Variants in TRIP11 observed in about 807,000 individuals in gnomAD.
TRIP11 encodes thyroid receptor-interacting protein 11.
Under a neutral mutation model 223.1 loss-of-function variants are expected in TRIP11, and 148 were observed. The ratio of observed to expected loss-of-function variants is 0.66; its 90% CI spans 0.58 to 0.76. TRIP11 has a LOEUF of 0.76. Among genes scored for constraint, TRIP11 ranks in the 30% least tolerant of loss-of-function variants. The pLI is 0.00. For synonymous variants in TRIP11, 762 were observed against 772.6 expected, an observed-to-expected ratio of 0.99 and a Z score of 0.23; for missense variants, 2,043 against 2,222.0, an observed-to-expected ratio of 0.92 and a Z score of 1.62.
chr14:92,020,975 C>T (rs556021623), intron 4 of TRIP11, among the ~76,000 whole-genome samples: 14 of 149,480 alleles, frequency 9.4e-5, no homozygotes, highest in African/African-American at 2.7e-4. Flanking sequence ...GAGGTTGAGA[C>T]GGGAGAATCA....
At position 91,999,381 on chromosome 14, in the gene TRIP11, A is replaced by C; in HGVS notation, c.4751T>G (p.Leu1584Trp). 9 of 1,613,934 alleles carry C rather than the reference A, an allele frequency of 5.6e-6. No individual in the cohort carries two copies. The highest frequency in any genetic ancestry group is 7.6e-6 in the Non-Finnish European group (9 of 1,179,914). Residue 1584 changes from leucine (L) to tryptophan (W), a missense_variant, in exon 13 of 21, where the codon TTG becomes TGG. Coordinates refer to ENST00000267622, the MANE Select transcript of TRIP11 (RefSeq NM_004239.4). ...EFRSNQELER[L>W]RNHLLESEDS... ...TTCTGATTCTAAAAGATGATTACGC[A>C]ATCTCTCTAGCTCTTGGTTTGAACG... is the stretch of plus-strand genomic sequence containing the variant.
intron 11 of TRIP11, among the ~76,000 whole-genome samples, chr14:92,002,787 G>C (rs2056843582): frequency 6.6e-6 from 1 of 151,722 alleles, no homozygotes; most frequent in South Asian, 2.1e-4. Flanking sequence ...CACTATGTTG[G>C]TCAGGCTGGT....
intron 16 of TRIP11, among the ~76,000 whole-genome samples, chr14:91,985,901 C>T (rs573459650): frequency 2.6e-5 from 4 of 152,136 alleles, no homozygotes; most frequent in Admixed American, 2.6e-4. Flanking sequence ...AAGAGTGCAG[C>T]TTTGAGAAAA....
At chr14:91,977,509 T>C (rs1468323798) in intron 16 of TRIP11, among the ~76,000 whole-genome samples, 1 of 140,022 alleles carries the variant, frequency 7.1e-6, no homozygotes, top group Non-Finnish European at 1.5e-5. Context: ...GAAACTATTC[T>C]TTTGGCAACC....
rs181964672 is a variant in TRIP11, at chr14:91,969,426, A to G, written c.*247T>C. 3.8e-5 allele frequency: 19 copies of G among 503,412 alleles called. No homozygotes were observed. In the Admixed American group the frequency reaches 5.9e-4, roughly 16 times the overall value. 31.2% of individuals were successfully genotyped at this position (503,412 alleles called of 1,614,324 possible). A position where few individuals can be genotyped will look rare whatever the true frequency, so the allele number is the denominator to read the frequency against. On this transcript the variant is annotated 3_prime_UTR_variant, in exon 21 of 21. Transcript: ENST00000267622. ...GTATTTTTGTAAATTAAGGTAAAAGATAAATTAAATGTTCCTAGCTTAAAT... is the reference window on the plus strand; with the variant it reads ...GTATTTTTGTAAATTAAGGTAAAAGGTAAATTAAATGTTCCTAGCTTAAAT...
At chr14:91,974,524 G>T in intron 19 of TRIP11, 103 bp downstream of exon 19, 2 of 953,504 alleles carry the variant, frequency 2.1e-6, no homozygotes, top group Non-Finnish European at 3.3e-6. Flanking sequence ...AAATAAAAGG[G>T]TTGTATAAAA....
rs190957115 is a variant in TRIP11, at chr14:91,993,787, A to G, written c.5160+22T>C. The G allele has an allele frequency of 1.9e-3, 2,958 of 1,563,948 alleles. 16 individuals carry two copies. Among genetic ancestry groups the G allele is most frequent in the South Asian group, 8.2e-3 (737 of 89,986 alleles). ...TGTTCCATGAATAATAAAACCTACA[A>G]GAGAAAACTATTTTGTCCTACCTGT... On this transcript the variant is annotated intron_variant, in intron 15 of 20. Coordinates refer to ENST00000267622, the MANE Select transcript of TRIP11 (RefSeq NM_004239.4).
intron 1 of TRIP11, among the ~76,000 whole-genome samples, chr14:92,039,147 T>C (rs1347390855): frequency 6.6e-6 from 1 of 152,116 alleles, no homozygotes; most frequent in Non-Finnish European, 1.5e-5. Context: ...ATTTCAACTG[T>C]TACAAAAATA....
At position 92,005,544 on chromosome 14, in the gene TRIP11, T is replaced by C; in HGVS notation, c.2432A>G (p.Asn811Ser). ...EEQKQLTQLI[N>S]KKEIFIEKLK... ...CTTTTCAATAAAAATTTCTTTCTTGTTTATAAGTTGTGTCAACTGCTTCTG... is the reference window on the plus strand; with the variant it reads ...CTTTTCAATAAAAATTTCTTTCTTGCTTATAAGTTGTGTCAACTGCTTCTG... Residue 811 changes from asparagine (N) to serine (S), a missense_variant, in exon 11 of 21, where the codon AAC (asparagine) becomes AGC (serine). Coordinates refer to ENST00000267622, the MANE Select transcript of TRIP11 (RefSeq NM_004239.4). 6.2e-7 allele frequency: 1 copy of C among 1,611,532 alleles called. No homozygotes were observed. Among genetic ancestry groups the C allele is most frequent in the Non-Finnish European group, 8.5e-7 (1 of 1,179,592 alleles).
intron 16 of TRIP11, among the ~76,000 whole-genome samples, chr14:91,981,760 T>C (rs2056548370): frequency 6.6e-6 from 1 of 152,222 alleles, no homozygotes. Flanking sequence ...CTAGAGTATA[T>C]GGTAAATGTT....
chr14:91,976,129 C>A lies in TRIP11; in HGVS notation c.5321G>T (p.Ser1774Ile), dbSNP rs752620838. The change falls in exon 17 of 21, where the codon AGC becomes ATC. Residue 1774 changes from serine (S) to isoleucine (I), a missense_variant. By Grantham distance (142) the Ser-to-Ile change is moderately radical. Transcript: ENST00000267622. ...ATACTTGTCTACTTTTCCTTCTGAGCTGTTTGCTAAGCTCATCAATTTCTT... is the reference window on the plus strand; with the variant it reads ...ATACTTGTCTACTTTTCCTTCTGAGATGTTTGCTAAGCTCATCAATTTCTT... ...VQKKLMSLAN[S>I]SEGKVDKVLM... The A allele has an allele frequency of 6.2e-7, 1 of 1,612,368 alleles. No homozygotes were observed. The highest frequency in any genetic ancestry group is 2.2e-5 in the East Asian group (1 of 44,768).
chr14:92,029,582 T>C (rs934974265), intron 2 of TRIP11, among the ~76,000 whole-genome samples: 1 of 150,376 alleles, frequency 6.6e-6, no homozygotes. Context: ...CCTGTAATCA[T>C]GGATTACAGG....
intron 16 of TRIP11, 31 bp from the exon 17 acceptor site, chr14:91,976,220 A>T: frequency 1.3e-6 from 2 of 1,574,796 alleles, no homozygotes; most frequent in Non-Finnish European, 1.7e-6. Flanking sequence ...AAAGATAGCC[A>T]TTAACTGATT....
At chr14:91,996,533 T>A (rs982102192) in intron 13 of TRIP11, among the ~76,000 whole-genome samples, 3 of 152,138 alleles carry the variant, frequency 2.0e-5, no homozygotes, top group Admixed American at 2.0e-4. Context: ...CAGAGTGAGA[T>A]CCTGTCTCTA....
intron 4 of TRIP11, among the ~76,000 whole-genome samples, chr14:92,018,009 A>G (rs2057057582): frequency 1.3e-5 from 2 of 152,194 alleles, no homozygotes; most frequent in Admixed American, 1.3e-4. Flanking sequence ...TAAGGTAGAA[A>G]AATTTATAGA....
At chr14:91,983,744 C>T (rs2140092848) in intron 16 of TRIP11, among the ~76,000 whole-genome samples, 1 of 152,274 alleles carries the variant, frequency 6.6e-6, no homozygotes, top group Non-Finnish European at 1.5e-5. Flanking sequence ...CTGCCAAAAA[C>T]ATCTATAAAG....
At position 92,014,523 on chromosome 14, in the gene TRIP11, G is replaced by T. The variant is rs1385322283; in HGVS notation, c.878C>A (p.Thr293Asn). 6.3e-7 allele frequency: 1 copy of T among 1,599,714 alleles called. No individual in the cohort carries two copies. ...DLSKIYEMQK[T>N]IQVLQIEKVE... ...TTTTTCTATTTGTAGAACTTGAATA[G>T]TTTTTTGCATCTCATAGATTTTAGA... The change falls in exon 7 of 21, where the codon ACT (threonine) becomes AAT (asparagine). Residue 293 changes from threonine (T) to asparagine (N), a missense_variant. Physicochemically the swap from Thr to Asn is moderately conservative, Grantham distance 65. Coordinates refer to ENST00000267622, the MANE Select transcript of TRIP11 (RefSeq NM_004239.4).
At chr14:91,981,682 C>T (rs758643277) in intron 16 of TRIP11, among the ~76,000 whole-genome samples, 3 of 152,246 alleles carry the variant, frequency 2.0e-5, no homozygotes, top group Non-Finnish European at 4.4e-5. Flanking sequence ...CATGGGCCAC[C>T]GTGCCCAGCC....
rs900667183 is a variant in TRIP11 at position 91,978,726 on chromosome 14, T to C, written c.5261-2537A>G. Among the ~76,000 whole-genome samples, 5 of 152,150 alleles carry C rather than the reference T, an allele frequency of 3.3e-5. No individual in the cohort carries two copies. The highest frequency in any genetic ancestry group is 7.3e-5 in the Non-Finnish European group (5 of 68,028). ...ATTGCCTGGGCTGATCTCAAACTCC[T>C]GCGTTCAAGTAATTCTCCTGCCATA... On this transcript the variant is annotated intron_variant, in intron 16 of 20. Transcript: ENST00000267622. This position sits in a 1 kb window ranked among gnomAD's most constrained non-coding sequence, Gnocchi z 4.4.
Sources: gnomAD v4.1 joint callset for allele counts (sites outside exome capture counted in the v4.1 genomes callset) on GRCh38, gnomAD v4.1.1 for gene constraint, Gnocchi (gnomAD v3.1) non-coding constraint, MANE v1.5 for transcripts, NCBI Gene and HGNC (gene_info 2026-07-23, HGNC 2026-07-21) for gene names.